The following WDPCP variants were observed in gnomAD, a reference collection of about 807,000 sequenced individuals.
WDPCP encodes WD repeat-containing and planar cell polarity effector protein fritz homolog.
In WDPCP, 71 loss-of-function variants were observed where a neutral mutation model predicts 93.1. The observed-to-expected ratio is 0.76, with a 90% CI of 0.63 to 0.93. WDPCP has a LOEUF of 0.93. Among genes scored for constraint, WDPCP ranks in the 40% least tolerant of loss-of-function variants. WDPCP has a pLI of 0.00. For missense variants in WDPCP, 844 were observed against 887.4 expected (o/e 0.95, Z 0.62); for synonymous variants, 315 against 315.0 (o/e 1.00, Z 0.00).
chr2:63,624,221 A>G (rs866373494), intron 3 of WDPCP, among the ~76,000 whole-genome samples: 1 of 152,214 alleles, frequency 6.6e-6, no homozygotes, highest in Non-Finnish European at 1.5e-5. Context: ...AAATGCCCAC[A>G]GGAGAAAGTG....
intron 10 of WDPCP, among the ~76,000 whole-genome samples, chr2:63,392,562 T>G (rs1191051892): frequency 6.6e-6 from 1 of 152,170 alleles, no homozygotes; most frequent in East Asian, 1.9e-4. Flanking sequence ...AAAGAGCTTC[T>G]GCACAGCAAA....
At chr2:63,689,946 G>C (rs1393178887) in intron 2 of WDPCP, among the ~76,000 whole-genome samples, 1 of 152,192 alleles carries the variant, frequency 6.6e-6, no homozygotes, top group Non-Finnish European at 1.5e-5. Flanking sequence ...GACTAGCACA[G>C]ACTTCAAAGA....
intron 1 of WDPCP, among the ~76,000 whole-genome samples, chr2:63,564,840 C>T (rs746958947): frequency 2.0e-5 from 3 of 149,462 alleles, no homozygotes; most frequent in Non-Finnish European, 3.0e-5. Context: ...TGCAGTGGCA[C>T]GATCTTGGCT....
intron 13 of WDPCP, among the ~76,000 whole-genome samples, chr2:63,310,862 C>T (rs770301299): frequency 1.3e-5 from 2 of 152,024 alleles, no homozygotes; most frequent in African/African-American, 2.4e-5. Flanking sequence ...CTGTCTCAAT[C>T]AATGAATGAA....
intron 13 of WDPCP, among the ~76,000 whole-genome samples, chr2:63,261,282 A>G (rs1219061442): frequency 6.6e-6 from 1 of 151,826 alleles, no homozygotes; most frequent in Non-Finnish European, 1.5e-5. Context: ...CCTTGATGCA[A>G]GTGCAAAGGA....
In WDPCP at chr2:63,467,679, G is replaced by A. The variant is rs373676323; in HGVS notation, c.384+16925C>T. 6.0e-5 allele frequency among the ~76,000 whole-genome samples: 9 copies of A among 149,650 alleles called. No homozygotes were observed. In the South Asian group the frequency reaches 1.3e-3, roughly 21 times the overall value. On this transcript the variant is annotated intron_variant, in intron 6 of 17. Coordinates refer to ENST00000272321, the MANE Select transcript of WDPCP (RefSeq NM_015910.7). Reference sequence around the variant, plus strand: ...TAGTCCCAGCTACTCGGTAGGCTAAGGCAGGAGAATTGCTAGAACTTAGGA... The same window carrying A: ...TAGTCCCAGCTACTCGGTAGGCTAAAGCAGGAGAATTGCTAGAACTTAGGA...
intron 17 of WDPCP, among the ~76,000 whole-genome samples, chr2:63,125,653 G>A (rs1669844415): frequency 6.6e-6 from 1 of 152,140 alleles, no homozygotes; most frequent in Admixed American, 6.6e-5. Context: ...TGTTGCCCAG[G>A]CTGGAGTGCA....
chr2:63,495,831 T>A (rs1701191079), intron 1 of WDPCP, among the ~76,000 whole-genome samples: 1 of 152,202 alleles, frequency 6.6e-6, no homozygotes, highest in East Asian at 1.9e-4. Context: ...TGACCTTATA[T>A]GGTAATCTCA....
rs547048584 is a variant in WDPCP at position 63,338,482 on chromosome 2, G to A, written c.1749-25171C>T. Reference sequence around the variant, plus strand: ...CAGGAGAACCACCTGAACCCAGGAGGTGGAGGTTGCAGTTAGCCGAGATCG... The same window carrying A: ...CAGGAGAACCACCTGAACCCAGGAGATGGAGGTTGCAGTTAGCCGAGATCG... On this transcript the variant is annotated intron_variant, in intron 12 of 17. Coordinates refer to ENST00000272321, the MANE Select transcript of WDPCP (RefSeq NM_015910.7). Among the ~76,000 whole-genome samples, 3 of 149,462 alleles carry A rather than the reference G, an allele frequency of 2.0e-5. No homozygotes were observed. In the East Asian group the frequency reaches 5.9e-4, roughly 29 times the overall value.
chr2:63,808,228 T>A (rs189880555), intron 2 of WDPCP, among the ~76,000 whole-genome samples: 31 of 152,284 alleles, frequency 2.0e-4, no homozygotes, highest in African/African-American at 7.2e-4. Flanking sequence ...ATTATTTAAG[T>A]TGCTCAAATT....
intron 2 of WDPCP, among the ~76,000 whole-genome samples, chr2:63,799,924 G>A (rs544727986): frequency 2.0e-5 from 3 of 152,134 alleles, no homozygotes; most frequent in Non-Finnish European, 4.4e-5. Flanking sequence ...CCTCCATTGT[G>A]GGGGATGGAG....
At chr2:63,741,029 G>A (rs1016711250) in intron 2 of WDPCP, among the ~76,000 whole-genome samples, 1 of 152,124 alleles carries the variant, frequency 6.6e-6, no homozygotes, top group South Asian at 2.1e-4. Flanking sequence ...ATTGTGGTAT[G>A]TGGAAAGCTA....
intron 12 of WDPCP, among the ~76,000 whole-genome samples, chr2:63,320,324 A>G (rs1273228620): frequency 6.6e-6 from 1 of 152,212 alleles, no homozygotes; most frequent in Non-Finnish European, 1.5e-5. Context: ...AGAAAGACTA[A>G]AAGAAGCTCT....
At chr2:63,731,696 G>T (rs1274755594) in intron 2 of WDPCP, among the ~76,000 whole-genome samples, 2 of 152,190 alleles carry the variant, frequency 1.3e-5, no homozygotes, top group Non-Finnish European at 2.9e-5. Flanking sequence ...ACTGTGCAGA[G>T]TGTTGGATAC....
At chr2:63,717,817 A>C (rs1669359484) in intron 2 of WDPCP, 1 of 249,322 alleles carries the variant, frequency 4.0e-6, no homozygotes. Flanking sequence ...CTGGCACAGC[A>C]CATTTGAAGG....
chr2:63,597,436 A>G (rs760693236), intron 3 of WDPCP: 3 of 1,458,810 alleles, frequency 2.1e-6, no homozygotes, highest in Non-Finnish European at 2.7e-6. Context: ...TTGCCTTCAA[A>G]GACCTGGATG....
At position 63,547,664 on chromosome 2, in the gene WDPCP, G is replaced by C. The variant is rs573857407; in HGVS notation, c.75+40533C>G. On this transcript the variant is annotated intron_variant, in intron 1 of 17. Coordinates refer to ENST00000272321, the MANE Select transcript of WDPCP (RefSeq NM_015910.7). The stretch of plus-strand genomic sequence containing the variant: ...ATTTGCAGCAACATAGATGGAACTG[G>C]AGGTCATCATGTTAGTGAAGTAAGC... Among the ~76,000 whole-genome samples, 10 of 151,620 alleles carry C rather than the reference G, an allele frequency of 6.6e-5. No individual in the cohort carries two copies. In the South Asian group the frequency reaches 2.1e-3, roughly 32 times the overall value.
intron 14 of WDPCP, among the ~76,000 whole-genome samples, chr2:63,239,538 A>C (rs915246865): frequency 2.0e-5 from 3 of 152,194 alleles, no homozygotes; most frequent in African/African-American, 7.2e-5. Context: ...GTGAATAGAG[A>C]TTTCCTAGGG....
intron 14 of WDPCP, among the ~76,000 whole-genome samples, chr2:63,211,603 G>A (rs538172225): frequency 6.6e-6 from 1 of 152,314 alleles, no homozygotes; most frequent in East Asian, 1.9e-4. Context: ...GAACAAAGCT[G>A]GATGGAGAAT....
Sources: allele counts gnomAD v4.1 joint callset (sites outside exome capture counted in the v4.1 genomes callset), GRCh38; gene constraint gnomAD v4.1.1; transcripts MANE v1.5; gene names NCBI Gene and HGNC (gene_info 2026-07-23, HGNC 2026-07-21).